The following ART3 variants were observed in gnomAD, a reference collection of about 807,000 sequenced individuals.
ART3 encodes ecto-ADP-ribosyltransferase 3.
Under a neutral mutation model 48.5 loss-of-function variants are expected in ART3, and 49 were observed. That is an observed-to-expected ratio of 1.01 (90% confidence interval 0.80 to 1.28). ART3 has a LOEUF of 1.28. Ranked by LOEUF, ART3 falls within the 50% of genes most tolerant of loss-of-function variation. ART3 has a pLI of 0.00. For synonymous variants in ART3, 145 were observed against 157.2 expected (o/e 0.92, Z 0.58); for missense variants, 438 against 454.3 (o/e 0.96, Z 0.33).
At chr4:76,052,783 C>T (rs62318889) in intron 1 of ART3, among the ~76,000 whole-genome samples, 1 of 149,264 alleles carries the variant, frequency 6.7e-6, no homozygotes, top group African/African-American at 2.5e-5. Context: ...GGCACGATCT[C>T]GGCTTGCTGC....
intron 1 of ART3, among the ~76,000 whole-genome samples, chr4:76,060,787 GA>G (rs1264651873): frequency 3.9e-5 from 6 of 152,202 alleles, no homozygotes; most frequent in Non-Finnish European, 8.8e-5. Context: ...TGAAGATGGA[GA>G]AAGTGGACCA....
At chr4:76,101,609 G>A (rs998247588) in intron 8 of ART3, among the ~76,000 whole-genome samples, 6 of 152,074 alleles carry the variant, frequency 3.9e-5, no homozygotes, top group Admixed American at 3.3e-4. Context: ...AAAATTAGCC[G>A]GGCATGGTGG....
intron 1 of ART3, among the ~76,000 whole-genome samples, chr4:76,060,649 GTGGACCCACT>G (rs1312361725): frequency 1.3e-5 from 2 of 152,158 alleles, no homozygotes; most frequent in African/African-American, 4.8e-5. Flanking sequence ...TATACATTGG[GTGGACCCACT>G]GTAATAACAT....
chr4:76,105,784 A>G, intron 10 of ART3: 1 of 985,432 alleles, frequency 1.0e-6, no homozygotes, highest in African/African-American at 1.7e-5. Flanking sequence ...ACTTGATCTT[A>G]AACTGGAACA....
At chr4:76,073,500 A>G (rs1246527852), upstream of ART3, among the ~76,000 whole-genome samples, 1 of 152,228 alleles carries the variant, frequency 6.6e-6, no homozygotes, top group East Asian at 1.9e-4. Flanking sequence ...TCTAAAGAGT[A>G]GAGTTGGATT....
At chr4:76,089,051 T>G (rs1724242798) in intron 3 of ART3, among the ~76,000 whole-genome samples, 1 of 152,176 alleles carries the variant, frequency 6.6e-6, no homozygotes, top group South Asian at 2.1e-4. Context: ...TCTTAACACC[T>G]TAGTAAACAT....
chr4:76,025,013 T>G (rs1560579332), intron 1 of ART3, among the ~76,000 whole-genome samples: 2 of 152,322 alleles, frequency 1.3e-5, no homozygotes, highest in East Asian at 3.9e-4. Flanking sequence ...GAATCCCATG[T>G]TAATCTGTTC....
intron 1 of ART3, among the ~76,000 whole-genome samples, chr4:76,046,506 A>G (rs1249997635): frequency 6.6e-6 from 1 of 151,988 alleles, no homozygotes; most frequent in African/African-American, 2.4e-5. Context: ...ACAATATTCT[A>G]TAATCCTTTA....
intron 1 of ART3, among the ~76,000 whole-genome samples, chr4:76,016,788 G>A (rs1560574056): frequency 6.6e-6 from 1 of 152,180 alleles, no homozygotes; most frequent in Non-Finnish European, 1.5e-5. Context: ...CAATCTATGA[G>A]ACAAAGTCTT....
intron 1 of ART3, among the ~76,000 whole-genome samples, chr4:76,024,420 T>G (rs1733180527): frequency 6.6e-6 from 1 of 152,132 alleles, no homozygotes; most frequent in Admixed American, 6.5e-5. Context: ...AAAAAAAGTG[T>G]TGGCCATTGA....
At chr4:76,019,146 C>A (rs1043390962) in intron 1 of ART3, among the ~76,000 whole-genome samples, 2 of 150,582 alleles carry the variant, frequency 1.3e-5, no homozygotes, top group Non-Finnish European at 3.0e-5. Flanking sequence ...AATGGCCCCA[C>A]CAAAAGATGA....
intron 3 of ART3, among the ~76,000 whole-genome samples, chr4:76,096,774 T>C (rs903942916): frequency 2.6e-5 from 4 of 152,232 alleles, no homozygotes; most frequent in African/African-American, 7.2e-5. Flanking sequence ...AGATGCCACG[T>C]TCTGTTCTCC....
At chr4:76,098,925 C>T in intron 4 of ART3, 30 bp from the exon 5 acceptor site, 1 of 1,575,498 alleles carries the variant, frequency 6.3e-7, no homozygotes, top group Non-Finnish European at 8.7e-7. Flanking sequence ...GAGCATAGTA[C>T]CATGTAATGA....
chr4:76,088,666 A>G (rs1724156691), intron 3 of ART3, among the ~76,000 whole-genome samples: 1 of 152,130 alleles, frequency 6.6e-6, no homozygotes. Context: ...GGGATTGTCT[A>G]AGATTGAGAC....
chr4:76,026,466 G>A (rs1307196831), intron 1 of ART3, among the ~76,000 whole-genome samples: 1 of 152,140 alleles, frequency 6.6e-6, no homozygotes, highest in Non-Finnish European at 1.5e-5. Flanking sequence ...ATTTCAAGAA[G>A]TATTTCCATT....
At chr4:76,040,239 C>T (rs1367531171) in intron 1 of ART3, among the ~76,000 whole-genome samples, 1 of 152,114 alleles carries the variant, frequency 6.6e-6, no homozygotes, top group Non-Finnish European at 1.5e-5. Context: ...GCAGGAGAAT[C>T]GCTTGAACCC....
intron 1 of ART3, among the ~76,000 whole-genome samples, chr4:76,029,748 A>C (rs2149392535): frequency 6.6e-6 from 1 of 152,338 alleles, no homozygotes; most frequent in South Asian, 2.1e-4. Flanking sequence ...AATTAAGTAT[A>C]ATCTTTCCTT....
intron 11 of ART3, among the ~76,000 whole-genome samples, chr4:76,111,327 A>G (rs1163853239): frequency 2.6e-5 from 4 of 152,194 alleles, no homozygotes; most frequent in Non-Finnish European, 5.9e-5. Context: ...TCTCACAAGC[A>G]GAGAGAAGCC....
At chr4:76,071,253 G>C (rs970601102), upstream of ART3, among the ~76,000 whole-genome samples, 1 of 151,852 alleles carries the variant, frequency 6.6e-6, no homozygotes, top group African/African-American at 2.4e-5. Flanking sequence ...CAGGAGAATC[G>C]CTTGAACTGG....
Sources: allele counts gnomAD v4.1 joint callset (sites outside exome capture counted in the v4.1 genomes callset), GRCh38; gene constraint gnomAD v4.1.1; transcripts MANE v1.5; gene names NCBI Gene and HGNC (gene_info 2026-07-23, HGNC 2026-07-21).